Variants in BNIP3L observed in about 807,000 individuals in gnomAD.
BNIP3L encodes the protein BCL2/adenovirus E1B 19 kDa protein-interacting protein 3-like.
A neutral mutation model predicts 25.5 loss-of-function variants in BNIP3L; 10 were observed. The ratio of observed to expected loss-of-function variants is 0.39; its 90% CI spans 0.24 to 0.67. The LOEUF (loss-of-function observed/expected upper bound fraction) is 0.67, where lower values mean the gene tolerates loss of function less well. Ranked by LOEUF, BNIP3L falls within the 30% of genes least tolerant of loss-of-function variation. The pLI is 0.45. For synonymous variants in BNIP3L, 113 were observed against 101.2 expected (o/e 1.12, Z -0.70); for missense variants, 215 against 270.9 (o/e 0.79, Z 1.45).
At chr8:26,385,455 T>C (rs73564657) in intron 1 of BNIP3L, among the ~76,000 whole-genome samples, 19,379 of 151,652 alleles carry the variant, frequency 0.13, 1,397 homozygotes, top group African/African-American at 0.19. Context: ...ATACAAAAAT[T>C]AGCCTGGCTT....
intron 3 of BNIP3L, among the ~76,000 whole-genome samples, chr8:26,402,572 C>T (rs796680446): frequency 7.2e-5 from 11 of 152,238 alleles, no homozygotes; most frequent in African/African-American, 2.6e-4. Flanking sequence ...CCCCAGGTTC[C>T]CCCACACTCT....
intron 3 of BNIP3L, among the ~76,000 whole-genome samples, chr8:26,402,362 G>A (rs1806404515): frequency 6.6e-6 from 1 of 152,210 alleles, no homozygotes; most frequent in Non-Finnish European, 1.5e-5. Flanking sequence ...GTAGAAGAAA[G>A]CTTACAAAGT....
At chr8:26,403,497 A>G (rs1275860699) in intron 3 of BNIP3L, among the ~76,000 whole-genome samples, 2 of 150,872 alleles carry the variant, frequency 1.3e-5, no homozygotes, top group Non-Finnish European at 2.9e-5. Context: ...TAAAGTCACT[A>G]ACATTAACTA....
At chr8:26,404,362 CTG>C (rs1434892333) in intron 3 of BNIP3L, among the ~76,000 whole-genome samples, 3 of 152,234 alleles carry the variant, frequency 2.0e-5, no homozygotes, top group South Asian at 2.1e-4. Context: ...TCTTGTAAAA[CTG>C]TGATTTTTAT....
intron 3 of BNIP3L, among the ~76,000 whole-genome samples, chr8:26,400,653 C>T (rs1435978234): frequency 7.1e-4 from 89 of 124,528 alleles, no homozygotes; most frequent in Admixed American, 6.1e-3. Context: ...AGAAAATTTT[C>T]GCAACCTACT....
At chr8:26,395,995 T>G (rs1806231699) in intron 3 of BNIP3L, 1 of 156,682 alleles carries the variant, frequency 6.4e-6, no homozygotes. Context: ...TCTCGCTGAT[T>G]GCTAGCACAG....
chr8:26,383,497 G>T (rs879342216), intron 1 of BNIP3L: 50 of 1,165,540 alleles, frequency 4.3e-5, no homozygotes, highest in Non-Finnish European at 5.2e-5. Context: ...GATCCCCCTG[G>T]TGCGGGGGGT....
rs968641190 is a variant in BNIP3L at position 26,412,102 on chromosome 8, T to C, written c.*1690T>C. 2 of 152,296 alleles carry C rather than the reference T, an allele frequency of 1.3e-5. No individual in the cohort carries two copies. The highest frequency in any genetic ancestry group is 4.8e-5 in the African/African-American group (2 of 41,474). The allele number at this position is 152,296 out of a possible 1,614,324, so 9.4% of individuals were successfully genotyped here. On this transcript the variant is annotated 3_prime_UTR_variant, in exon 6 of 6. Transcript: ENST00000380629. ...TCCTAGTTTTGAAAGTAATTTTCTTTTTTCTTTCTAGCATTTGATGTCTAA... is the reference window on the plus strand; with the variant it reads ...TCCTAGTTTTGAAAGTAATTTTCTTCTTTCTTTCTAGCATTTGATGTCTAA...
At chr8:26,403,623 C>T (rs888567886) in intron 3 of BNIP3L, among the ~76,000 whole-genome samples, 2 of 151,326 alleles carry the variant, frequency 1.3e-5, no homozygotes, top group African/African-American at 4.9e-5. Flanking sequence ...CCACAGACTT[C>T]GATTCCCGGC....
chr8:26,401,079 T>G (rs28786484), intron 3 of BNIP3L, among the ~76,000 whole-genome samples: 18,253 of 133,640 alleles, frequency 0.14, 1,427 homozygotes, highest in Middle Eastern at 0.28. Flanking sequence ...TATACCCAAA[T>G]GACTATAAAT....
rs1410987810 is a variant in BNIP3L, at chr8:26,383,451, T to C, written c.100+221T>C. On this transcript the variant is annotated intron_variant, in intron 1 of 5. Coordinates refer to ENST00000380629, the MANE Select transcript of BNIP3L (RefSeq NM_004331.3). ...CCTGGGGTCTTGGGCCCGGGGCCGT[T>C]TGGGCTCGCGGTCCGGGAGCGGCGC... The C allele has an allele frequency of 3.0e-6, 4 of 1,346,562 alleles. No individual in the cohort carries two copies. The African/African-American group carries it at 6.2e-5, about 21-fold the overall frequency. The allele number at this position is 1,346,562 out of a possible 1,614,324, so 83.4% of individuals were successfully genotyped here. A position where few individuals can be genotyped will look rare whatever the true frequency, so the allele number is the denominator to read the frequency against.
chr8:26,383,232 T>C lies in BNIP3L; in HGVS notation c.100+2T>C. ...TGCCCCCGCCGGCCGGCCTCAACAG[T>C]GAGTGCGGGGCCGAGGCTCTGTGAA... is the stretch of plus-strand genomic sequence containing the variant. On this transcript the variant is annotated splice_donor_variant, in intron 1 of 5. Transcript: ENST00000380629. LOFTEE classifies it high-confidence loss of function. The C allele has an allele frequency of 6.2e-7, 1 of 1,606,284 alleles. No homozygotes were observed. Among genetic ancestry groups the C allele is most frequent in the Non-Finnish European group, 8.5e-7 (1 of 1,177,064 alleles).
At chr8:26,383,410 G>A in intron 1 of BNIP3L, 180 bp downstream of exon 1, 31 of 1,433,650 alleles carry the variant, frequency 2.2e-5, no homozygotes, top group Non-Finnish European at 2.8e-5. Flanking sequence ...CCTTGCTCCG[G>A]GCCTCTCTGT....
intron 2 of BNIP3L, 55 bp from the exon 3 acceptor site, chr8:26,395,175 A>G: frequency 1.3e-6 from 2 of 1,560,670 alleles, no homozygotes; most frequent in Non-Finnish European, 1.8e-6. Context: ...AGTAGAGACT[A>G]AGTCATTTGA....
chr8:26,385,283 C>G (rs1475167234), intron 1 of BNIP3L, among the ~76,000 whole-genome samples: 1 of 151,486 alleles, frequency 6.6e-6, no homozygotes, highest in Non-Finnish European at 1.5e-5. Context: ...TCCTTTGACC[C>G]TTTAACAACA....
chr8:26,383,556 G>C (rs1440352689), intron 1 of BNIP3L: 1 of 271,978 alleles, frequency 3.7e-6, no homozygotes, highest in Non-Finnish European at 5.6e-6. Context: ...CGGGCCTGGG[G>C]GGCGGGGAGG....
At chr8:26,385,982 A>T (rs1478558495) in intron 1 of BNIP3L, among the ~76,000 whole-genome samples, 2 of 152,220 alleles carry the variant, frequency 1.3e-5, no homozygotes, top group African/African-American at 4.8e-5. Context: ...AAAACAACTT[A>T]TTCAGGCATC....
rs1806653641 is a variant in BNIP3L at position 26,412,586 on chromosome 8, T to C, written c.*2174T>C. 1 of 152,464 alleles carries C rather than the reference T, an allele frequency of 6.6e-6. No homozygotes were observed. The highest frequency in any genetic ancestry group is 2.4e-5 in the African/African-American group (1 of 41,454). 9.4% of individuals were successfully genotyped at this position (152,464 alleles called of 1,614,324 possible). ...AATTACTTAAAACGTGAATACATCA[T>C]CACAGTAGAATTTATTATGAGAGCA... On this transcript the variant is annotated 3_prime_UTR_variant, in exon 6 of 6. Coordinates refer to ENST00000380629, the MANE Select transcript of BNIP3L (RefSeq NM_004331.3).
intron 2 of BNIP3L, among the ~76,000 whole-genome samples, chr8:26,391,938 A>G (rs763509069): frequency 6.6e-6 from 1 of 152,194 alleles, no homozygotes; most frequent in Non-Finnish European, 1.5e-5. Flanking sequence ...AGGTTGCTTC[A>G]CGTTATAGCA....
Sources: gnomAD v4.1 joint callset for allele counts (sites outside exome capture counted in the v4.1 genomes callset) on GRCh38, gnomAD v4.1.1 for gene constraint, MANE v1.5 for transcripts, NCBI Gene and HGNC (gene_info 2026-07-23, HGNC 2026-07-21) for gene names.